WDR25: variants seen among roughly 807,000 people sequenced by gnomAD.
WDR25 encodes the protein WD repeat domain 25.
WDR25 carries 35 observed loss-of-function variants against 47.7 expected under a neutral mutation model. That is an observed-to-expected ratio of 0.73 (90% CI 0.56 to 0.97). The LOEUF is 0.97. Among genes scored for constraint, WDR25 ranks in the 50% least tolerant of loss-of-function variants. The probability of loss-of-function intolerance (pLI) is 0.00; values close to 1 mark genes in which losing one functional copy is unlikely to be tolerated. For missense variants in WDR25, 634 were observed against 704.7 expected, an observed-to-expected ratio of 0.90 and a Z score of 1.14; for synonymous variants, 248 against 278.9, an observed-to-expected ratio of 0.89 and a Z score of 1.10.
intron 3 of WDR25, among the ~76,000 whole-genome samples, chr14:100,479,410 A>G (rs912848286): frequency 2.9e-5 from 3 of 102,920 alleles, no homozygotes; most frequent in Non-Finnish European, 5.6e-5. Flanking sequence ...AAGGAAAAGA[A>G]GAGTACATTT....
chr14:100,393,453 G>A (rs571565348), intron 2 of WDR25, among the ~76,000 whole-genome samples: 2 of 152,254 alleles, frequency 1.3e-5, no homozygotes, highest in South Asian at 4.1e-4. Flanking sequence ...ATACGGTTCC[G>A]GTACCTGGGT....
rs1377069348 is a variant in WDR25, at chr14:100,428,042, C to T, written c.823-39979C>T. On this transcript the variant is annotated intron_variant, in intron 2 of 6. Coordinates refer to ENST00000402312, the MANE Select transcript of WDR25 (RefSeq NM_001161476.3). This position sits in a 1 kb window ranked among gnomAD's most constrained non-coding sequence, Gnocchi z 4.3. The stretch of plus-strand genomic sequence containing the variant: ...GCCTTTTCCTCCTGAGACCCTAACA[C>T]GCTCCCTTTCCTTTCCTTTTTGAGG... Among the ~76,000 whole-genome samples, 12 of 152,378 alleles carry T rather than the reference C, an allele frequency of 7.9e-5. No homozygotes were observed. The highest frequency in any genetic ancestry group is 5.9e-4 in the Admixed American group (9 of 15,310).
In WDR25 at chr14:100,500,172, G is replaced by A. The variant is rs966770971; in HGVS notation, c.1101+16048G>A. Among the ~76,000 whole-genome samples the A allele has an allele frequency of 6.6e-6, 1 of 152,128 alleles. No homozygotes were observed. Among genetic ancestry groups the A allele is most frequent in the Non-Finnish European group, 1.5e-5 (1 of 68,014 alleles). ...GAGGGCCAGCCTGACTGGATGGGGC[G>A]GCTCCCTCCTAGTGCATTGTGTGTG... is the stretch of plus-strand genomic sequence containing the variant. On this transcript the variant is annotated intron_variant, in intron 4 of 6. Transcript: ENST00000402312. The surrounding 1 kb of genome is among the most constrained non-coding windows in gnomAD (Gnocchi z 4.7).
At chr14:100,391,729 G>A (rs1052183069) in intron 2 of WDR25, among the ~76,000 whole-genome samples, 3 of 151,770 alleles carry the variant, frequency 2.0e-5, no homozygotes, top group Non-Finnish European at 1.5e-5. Flanking sequence ...TCCACATACT[G>A]CAGTAGCAGT....
intron 4 of WDR25, among the ~76,000 whole-genome samples, chr14:100,509,239 AAAT>A (rs1901219910): frequency 6.6e-6 from 1 of 152,228 alleles, no homozygotes; most frequent in Non-Finnish European, 1.5e-5. Context: ...ATCACAAAAA[AAAT>A]TAACTATGTG....
At position 100,451,730 on chromosome 14, in the gene WDR25, T is replaced by C. The variant is rs79673116; in HGVS notation, c.823-16291T>C. On this transcript the variant is annotated intron_variant, in intron 2 of 6. Transcript: ENST00000402312. ...GAGGTTCAGACTGTTCTTGAGAAGG[T>C]AAGAGAGATAAAGAGGTCATACAGT... Among the ~76,000 whole-genome samples, 719 of 152,186 alleles carry C rather than the reference T, an allele frequency of 4.7e-3. 1 individual carries two copies. Among genetic ancestry groups the C allele is most frequent in the Non-Finnish European group, 8.2e-3 (561 of 68,002 alleles).
intron 3 of WDR25, among the ~76,000 whole-genome samples, chr14:100,480,323 A>G (rs959431337): frequency 1.3e-5 from 2 of 152,218 alleles, no homozygotes; most frequent in Non-Finnish European, 2.9e-5. Flanking sequence ...CTCTTGTGCT[A>G]TCTGCACTGC....
intron 4 of WDR25, among the ~76,000 whole-genome samples, chr14:100,508,017 A>G (rs1385724127): frequency 2.0e-5 from 3 of 152,196 alleles, no homozygotes; most frequent in Admixed American, 6.5e-5. Flanking sequence ...AGATGCAGAA[A>G]TCCTCAACAA....
chr14:100,529,787 C>A lies in WDR25; in HGVS notation c.1414-33C>A. 2 of 1,597,912 alleles carry A rather than the reference C, an allele frequency of 1.3e-6. No homozygotes were observed. The highest frequency in any genetic ancestry group is 1.1e-5 in the South Asian group (1 of 89,528). On this transcript the variant is annotated intron_variant, in intron 6 of 6. Coordinates refer to ENST00000402312, the MANE Select transcript of WDR25 (RefSeq NM_001161476.3). This position sits in a 1 kb window ranked among gnomAD's most constrained non-coding sequence, Gnocchi z 5.1. ...CATACTCACCCCGGCTTGACAGGTG[C>A]GGCTTGCTCACCCACTGTGTCCCTC...
rs780246567 is a variant in WDR25 at position 100,484,025 on chromosome 14, T to C, written c.1002T>C (p.Phe334=). ...GTQLFSGRSD[F]RITTLKFHPK... ...AGCTATTTAGTGGTCGAAGTGACTT[T>C]AGAATCACTACCTTGAAATTCCATC... The change falls in exon 4 of 7, where the codon TTT becomes TTC. Residue 334 remains phenylalanine, a synonymous_variant. Coordinates refer to ENST00000402312, the MANE Select transcript of WDR25 (RefSeq NM_001161476.3). 4 of 1,613,796 alleles carry C rather than the reference T, an allele frequency of 2.5e-6. No homozygotes were observed. The South Asian group carries it at 3.3e-5, about 13-fold the overall frequency.
intron 3 of WDR25, among the ~76,000 whole-genome samples, chr14:100,470,597 C>T (rs904533616): frequency 3.3e-5 from 5 of 152,136 alleles, no homozygotes; most frequent in Admixed American, 1.3e-4. Flanking sequence ...TAGCAGCTGG[C>T]GGGCAGAGGC....
At chr14:100,445,069 T>C (rs1190924) in intron 2 of WDR25, among the ~76,000 whole-genome samples, 118,081 of 152,058 alleles carry the variant, frequency 0.78, 46,013 homozygotes, top group East Asian at 0.9. Context: ...ACTGGGCCTC[T>C]GTGTTCTTGC....
At chr14:100,377,500 G>T (rs923847420) in intron 1 of WDR25, among the ~76,000 whole-genome samples, 1 of 151,652 alleles carries the variant, frequency 6.6e-6, no homozygotes, top group South Asian at 2.1e-4. Context: ...AGTAGAGACG[G>T]GGTTTCACCA....
At chr14:100,414,075 A>G (rs954309864) in intron 2 of WDR25, among the ~76,000 whole-genome samples, 2 of 150,634 alleles carry the variant, frequency 1.3e-5, no homozygotes, top group Non-Finnish European at 3.0e-5. Flanking sequence ...GGCTCACTGC[A>G]ATCTCTGCCT....
chr14:100,381,414 T>A lies in WDR25; in HGVS notation c.490T>A (p.Phe164Ile). Residue 164 changes from phenylalanine to isoleucine, a missense_variant, in exon 2 of 7, where the codon TTT (phenylalanine) becomes ATT (isoleucine). Physicochemically the swap from Phe to Ile is conservative, Grantham distance 21. Coordinates refer to ENST00000402312, the MANE Select transcript of WDR25 (RefSeq NM_001161476.3). The stretch of plus-strand genomic sequence containing the variant: ...AACCGTAGGTAAAAATGGCAGCTCT[T>A]TTCAGAAGAAAAAATGTGAGGACTG... ...SETVGKNGSS[F>I]QKKKCEDCVV... The A allele has an allele frequency of 6.2e-7, 1 of 1,614,240 alleles. No homozygotes were observed.
intron 4 of WDR25, chr14:100,504,769 A>G (rs987605063): frequency 2.8e-4 from 43 of 152,074 alleles, no homozygotes; most frequent in African/African-American, 1.0e-3. Context: ...GTGGTGTAGT[A>G]TATATATATT....
Position 100,529,368 on chromosome 14 carries a change from A to T in WDR25, c.1413+160A>T. ...TGCCATGTGGCTCACTGTCTCTTCA[A>T]GTCCCTGAACCACATCTGGTCCTCA... On this transcript the variant is annotated intron_variant, in intron 6 of 6. Coordinates refer to ENST00000402312, the MANE Select transcript of WDR25 (RefSeq NM_001161476.3). This position sits in a 1 kb window ranked among gnomAD's most constrained non-coding sequence, Gnocchi z 5.1. The T allele has an allele frequency of 8.7e-7, 1 of 1,149,030 alleles. No homozygotes were observed. Among genetic ancestry groups the T allele is most frequent in the Non-Finnish European group, 1.2e-6 (1 of 818,506 alleles). The allele number at this position is 1,149,030 out of a possible 1,614,324, so 71.2% of individuals were successfully genotyped here.
At chr14:100,473,037 T>C (rs1899897110) in intron 3 of WDR25, among the ~76,000 whole-genome samples, 1 of 152,248 alleles carries the variant, frequency 6.6e-6, no homozygotes, top group Non-Finnish European at 1.5e-5. Flanking sequence ...TGACCATTTC[T>C]CCTTGCTTTC....
Position 100,498,609 on chromosome 14 carries a change from G to C in WDR25, c.1101+14485G>C, listed in dbSNP as rs1900812855. Among the ~76,000 whole-genome samples, 1 of 152,100 alleles carries C rather than the reference G, an allele frequency of 6.6e-6. No individual in the cohort carries two copies. Among genetic ancestry groups the C allele is most frequent in the Non-Finnish European group, 1.5e-5 (1 of 68,018 alleles). ...TGCTGGCACCACCTCCACCCAGTTGGTGGCCCAGCCAGAAACCTCTGCAGC... is the reference window on the plus strand; with the variant it reads ...TGCTGGCACCACCTCCACCCAGTTGCTGGCCCAGCCAGAAACCTCTGCAGC... On this transcript the variant is annotated intron_variant, in intron 4 of 6. Transcript: ENST00000402312. This position sits in a 1 kb window ranked among gnomAD's most constrained non-coding sequence, Gnocchi z 4.2.
Sources: gnomAD v4.1 joint callset for allele counts (sites outside exome capture counted in the v4.1 genomes callset) on GRCh38, gnomAD v4.1.1 for gene constraint, Gnocchi (gnomAD v3.1) non-coding constraint, MANE v1.5 for transcripts, NCBI Gene and HGNC (gene_info 2026-07-23, HGNC 2026-07-21) for gene names.